The following C4orf50 variants were observed in gnomAD, a reference collection of about 807,000 sequenced individuals.
C4orf50 encodes the protein chromosome 4 open reading frame 50.
A neutral mutation model predicts 77.2 loss-of-function variants in C4orf50; 80 were observed. The observed-to-expected ratio is 1.04, with a 90% confidence interval of 0.87 to 1.25. The LOEUF is 1.25. Among genes scored for constraint, C4orf50 ranks in the 50% most tolerant of loss-of-function variants. The probability of loss-of-function intolerance (pLI) is 0.00; values close to 1 mark genes in which losing one functional copy is unlikely to be tolerated. For synonymous variants in C4orf50, 532 were observed against 465.3 expected, an observed-to-expected ratio of 1.14 and a Z score of -1.84; for missense variants, 1,257 against 1,152.9, an observed-to-expected ratio of 1.09 and a Z score of -1.31.
chr4:5,926,783 C>T (rs1377773525), intron 7 of C4orf50, among the ~76,000 whole-genome samples: 2 of 152,206 alleles, frequency 1.3e-5, no homozygotes, highest in Non-Finnish European at 2.9e-5. Context: ...TGCATGACCA[C>T]TCATCCTTCC....
chr4:5,920,451 G>A (rs1274179926), intron 7 of C4orf50, among the ~76,000 whole-genome samples: 1 of 151,696 alleles, frequency 6.6e-6, no homozygotes, highest in African/African-American at 2.4e-5. Context: ...CAGCATGGAG[G>A]ATGAAGGGAG....
intron 25 of C4orf50, among the ~76,000 whole-genome samples, chr4:5,996,630 C>G (rs948357871): frequency 6.6e-6 from 1 of 152,240 alleles, no homozygotes; most frequent in South Asian, 2.1e-4. Flanking sequence ...TCCTCCCACT[C>G]TGGGTTGGTG....
At chr4:5,963,825 T>A (rs1431501572) in intron 33 of C4orf50, among the ~76,000 whole-genome samples, 1 of 152,206 alleles carries the variant, frequency 6.6e-6, no homozygotes, top group East Asian at 1.9e-4. Context: ...AGCTGACAGT[T>A]ACGTGCAGGC....
exon 28 of C4orf50, chr4:5,988,694 T>C (rs1306904864): frequency 1.2e-5 from 18 of 1,535,962 alleles, no homozygotes; most frequent in Non-Finnish European, 1.5e-5. Flanking sequence ...AGGTGCTCCC[T>C]TCCCCTCACC....
intron 31 of C4orf50, among the ~76,000 whole-genome samples, chr4:5,973,245 G>A (rs1302741159): frequency 2.0e-5 from 3 of 152,218 alleles, no homozygotes; most frequent in Non-Finnish European, 2.9e-5. Context: ...CTCAGAGCAG[G>A]CTGCCTGGGC....
intron 7 of C4orf50, among the ~76,000 whole-genome samples, chr4:5,935,344 T>C (rs56855107): frequency 0.25 from 37,383 of 152,150 alleles, 6,221 homozygotes; most frequent in African/African-American, 0.47. Context: ...GAGAGGAAGT[T>C]TGTCCTGGCT....
chr4:5,983,951 C>G (rs907116230), intron 28 of C4orf50, among the ~76,000 whole-genome samples: 2 of 152,222 alleles, frequency 1.3e-5, no homozygotes, highest in African/African-American at 4.8e-5. Flanking sequence ...AGAACAGCAG[C>G]TTGGAGGTTA....
At chr4:5,910,223 G>A (rs1335135058) in intron 7 of C4orf50, among the ~76,000 whole-genome samples, 1 of 152,206 alleles carries the variant, frequency 6.6e-6, no homozygotes, top group Non-Finnish European at 1.5e-5. Flanking sequence ...AACTGTTCAT[G>A]AGAAAATGTG....
intron 7 of C4orf50, among the ~76,000 whole-genome samples, chr4:5,934,493 C>A (rs552793688): frequency 6.6e-6 from 1 of 152,162 alleles, no homozygotes; most frequent in Non-Finnish European, 1.5e-5. Context: ...AGTCCTCTGC[C>A]GTCTGGCCCC....
rs1577948233 is a variant in C4orf50, at chr4:5,970,783, C to A, written c.4104+2876G>T. On this transcript the variant is annotated intron_variant, in intron 31 of 33. Transcript: ENST00000531445. This position sits in a 1 kb window ranked among gnomAD's most constrained non-coding sequence, Gnocchi z 4.3. ...AGGGTAGAGCTTAGTGGCCTCAGCC[C>A]AAGGCCCAGCCCCCACCCCCTCAAC... Among the ~76,000 whole-genome samples, 1 of 152,166 alleles carries A rather than the reference C, an allele frequency of 6.6e-6. No homozygotes were observed. Among genetic ancestry groups the A allele is most frequent in the Admixed American group, 6.5e-5 (1 of 15,278 alleles).
At chr4:5,933,630 T>C (rs1386472667) in intron 7 of C4orf50, among the ~76,000 whole-genome samples, 1 of 152,214 alleles carries the variant, frequency 6.6e-6, no homozygotes, top group Non-Finnish European at 1.5e-5. Context: ...TGTCTGCTAC[T>C]AAGTGAGCTG....
exon 31 of C4orf50, chr4:5,973,789 G>T: frequency 1.9e-6 from 3 of 1,613,730 alleles, no homozygotes; most frequent in Non-Finnish European, 2.5e-6. Context: ...CAGCAGGTGG[G>T]TGATCAGGCG....
chr4:5,994,680 C>G (rs1344070951), intron 25 of C4orf50, among the ~76,000 whole-genome samples: 4 of 152,238 alleles, frequency 2.6e-5, no homozygotes, highest in Non-Finnish European at 5.9e-5. Flanking sequence ...AAACTGCCCT[C>G]TCTTAGCACT....
chr4:5,962,823 C>T (rs943656292), intron 33 of C4orf50, among the ~76,000 whole-genome samples: 2 of 152,280 alleles, frequency 1.3e-5, no homozygotes, highest in African/African-American at 2.4e-5. Flanking sequence ...TTTTCTGTTT[C>T]GCTGCTGTTG....
intron 7 of C4orf50, among the ~76,000 whole-genome samples, chr4:5,927,399 T>C (rs974890082): frequency 6.6e-6 from 1 of 152,030 alleles, no homozygotes; most frequent in Non-Finnish European, 1.5e-5. Context: ...CTTACTCTCT[T>C]GCTTTCTGTC....
At chr4:5,977,203 G>A (rs552908126) in intron 29 of C4orf50, among the ~76,000 whole-genome samples, 79 of 152,276 alleles carry the variant, frequency 5.2e-4, no homozygotes, top group African/African-American at 1.7e-3. Flanking sequence ...CCTGGAGGGC[G>A]GAACAGCCTA....
chr4:5,917,406 C>CTTTTTTTTTTT (rs34928524), intron 7 of C4orf50, among the ~76,000 whole-genome samples: 3 of 86,402 alleles, frequency 3.5e-5, no homozygotes, highest in Non-Finnish European at 7.2e-5. Flanking sequence ...TCCTGTATTT[C>CTTTTTTTTTTT]TTTTTTTTTT....
At position 5,958,246 on chromosome 4, in the gene C4orf50, TCTC is replaced by T. The variant is rs1719077442; in HGVS notation, c.*1126_*1128del. The T allele has an allele frequency of 6.6e-6, 1 of 151,104 alleles. No individual in the cohort carries two copies. The highest frequency in any genetic ancestry group is 2.4e-5 in the African/African-American group (1 of 41,036). 9.4% of individuals were successfully genotyped at this position (151,104 alleles called of 1,614,324 possible). A position where few individuals can be genotyped will look rare whatever the true frequency, so the allele number is the denominator to read the frequency against. ...GCTGCCCTCAGGATAGAAGTGCTCT[TCTC>T]CTGGGTCGCCCACCTGATTCGGGGC... is the stretch of plus-strand genomic sequence containing the variant. On this transcript the variant is annotated 3_prime_UTR_variant, in exon 34 of 34. Coordinates refer to ENST00000531445, the Ensembl canonical transcript of C4orf50. This position sits in a 1 kb window ranked among gnomAD's most constrained non-coding sequence, Gnocchi z 5.4.
chr4:5,949,849 C>A (rs1465664774), intron 7 of C4orf50, among the ~76,000 whole-genome samples: 2 of 151,974 alleles, frequency 1.3e-5, no homozygotes. Context: ...ACTAACCGGG[C>A]ATGGTGGCGG....
Sources: gnomAD v4.1 joint callset for allele counts (sites outside exome capture counted in the v4.1 genomes callset) on GRCh38, gnomAD v4.1.1 for gene constraint, Gnocchi (gnomAD v3.1) non-coding constraint, MANE v1.5 for transcripts, NCBI Gene and HGNC (gene_info 2026-07-23, HGNC 2026-07-21) for gene names.